Variants in NOTCH2NLB observed in about 807,000 individuals in gnomAD.
NOTCH2NLB encodes the protein notch homolog 2 N-terminal-like protein B.
NOTCH2NLB carries 1 observed loss-of-function variant against 14.8 expected under a neutral mutation model. The ratio of observed to expected loss-of-function variants is 0.07; its 90% confidence interval spans 0.02 to 0.32. NOTCH2NLB has a LOEUF of 0.32. Ranked by LOEUF, NOTCH2NLB falls within the 10% of genes least tolerant of loss-of-function variation. The pLI is 1.00. For missense variants in NOTCH2NLB, 11 were observed against 155.0 expected (o/e 0.07, Z 4.93); for synonymous variants, 6 against 57.5 (o/e 0.10, Z 4.05).
At chr1:148,686,776 C>T in the NOTCH2NLB span, among the ~76,000 whole-genome samples, 56 of 55,706 alleles carry the variant, frequency 1.0e-3, no homozygotes, top group African/African-American at 2.2e-3. Flanking sequence ...AAGCTAAGAA[C>T]AGATTCTCCC....
chr1:148,622,860 C>A lies in NOTCH2NLB; in HGVS notation c.78-6910G>T, dbSNP rs1440721441. Among the ~76,000 whole-genome samples, 2 of 83,930 alleles carry A rather than the reference C, an allele frequency of 2.4e-5. 1 individual carries two copies. The highest frequency in any genetic ancestry group is 4.0e-5 in the Non-Finnish European group (2 of 50,534). The allele number at this position is 83,930 out of a possible 152,430, so 55.1% of individuals were successfully genotyped here. ...GAACCCAATAATTGGAACTATCATT[C>A]ATTCCTTTTAAATCCATCATATTGA... is the stretch of plus-strand genomic sequence containing the variant. On this transcript the variant is annotated intron_variant, in intron 2 of 4. Coordinates refer to ENST00000593495, the Ensembl canonical transcript of NOTCH2NLB.
At chr1:148,609,203 G>A (rs1321168754) in intron 3 of NOTCH2NLB, among the ~76,000 whole-genome samples, 12 of 127,862 alleles carry the variant, frequency 9.4e-5, no homozygotes, top group African/African-American at 1.6e-4. Context: ...CCATTAACTC[G>A]TCATTTACAT....
At chr1:148,633,291 C>G (rs1237079786) in intron 2 of NOTCH2NLB, among the ~76,000 whole-genome samples, 1 of 122,654 alleles carries the variant, frequency 8.2e-6, no homozygotes, top group Non-Finnish European at 1.6e-5. Flanking sequence ...TGGTGGCTCA[C>G]GCCTGTAATC....
At chr1:148,661,474 G>A (rs1664682325) in intron 1 of NOTCH2NLB, among the ~76,000 whole-genome samples, 2 of 148,170 alleles carry the variant, frequency 1.3e-5, no homozygotes, top group African/African-American at 4.9e-5. Flanking sequence ...TGCAGTGAAT[G>A]TAAGAAATCT....
chr1:148,609,137 G>T (rs1663604668), intron 3 of NOTCH2NLB, among the ~76,000 whole-genome samples: 1 of 140,708 alleles, frequency 7.1e-6, no homozygotes, highest in South Asian at 2.3e-4. Context: ...GGGTACATGT[G>T]CACAACATGC....
At chr1:148,686,630 T>C in the NOTCH2NLB span, among the ~76,000 whole-genome samples, 1 of 94,698 alleles carries the variant, frequency 1.1e-5, no homozygotes, top group African/African-American at 3.4e-5. Context: ...GTTGGGGAAA[T>C]AGATATTTTA....
chr1:148,605,375 A>G (rs1203010437), downstream of NOTCH2NLB, among the ~76,000 whole-genome samples: 16 of 143,804 alleles, frequency 1.1e-4, 1 homozygote, highest in Non-Finnish European at 2.3e-4. Context: ...GTCACCAAAA[A>G]AATGTCAGTT....
In NOTCH2NLB at chr1:148,679,490, G is replaced by A; in HGVS notation, c.-26C>T. 14 of 1,117,838 alleles carry A rather than the reference G, an allele frequency of 1.3e-5. 4 individuals carry two copies. The South Asian group carries it at 2.3e-4, about 18-fold the overall frequency. 69.2% of individuals were successfully genotyped at this position (1,117,838 alleles called of 1,614,324 possible). ...GCGCGGGGGTCGCGCAGCACAGCCAGAGCGCCAGCAGCGCCCACAGCAGAG... is the reference window on the plus strand; with the variant it reads ...GCGCGGGGGTCGCGCAGCACAGCCAAAGCGCCAGCAGCGCCCACAGCAGAG... On this transcript the variant is annotated 5_prime_UTR_variant, in exon 1 of 5. Transcript: ENST00000593495.
intron 1 of NOTCH2NLB, among the ~76,000 whole-genome samples, chr1:148,674,834 G>C (rs1373377224): frequency 6.8e-6 from 1 of 147,872 alleles, no homozygotes; most frequent in Non-Finnish European, 1.5e-5. Flanking sequence ...TTTGTCAGTA[G>C]GGTGTTCAGG....
At chr1:148,600,433 A>AT in the NOTCH2NLB span, among the ~76,000 whole-genome samples, 3 of 144,712 alleles carry the variant, frequency 2.1e-5, no homozygotes, top group East Asian at 4.0e-4. Context: ...TTTAGGATAT[A>AT]TTTTTTAAAA....
In NOTCH2NLB at chr1:148,607,515, G is replaced by A; in HGVS notation, c.568C>T (p.Gln190Ter). 2.0e-6 allele frequency: 3 copies of A among 1,477,268 alleles called. 1 individual carries two copies. The highest frequency in any genetic ancestry group is 4.6e-5 in the East Asian group (2 of 43,944). 91.5% of individuals were successfully genotyped at this position (1,477,268 alleles called of 1,614,324 possible). Reference sequence around the variant, plus strand: ...GGCACATACAGGCTGTCACAGTACTGGCCTGTGAAGCCCTGAAGGCACTGG... The same window carrying A: ...GGCACATACAGGCTGTCACAGTACTAGCCTGTGAAGCCCTGAAGGCACTGG... The change falls in exon 4 of 5, where the codon CAG becomes TAG. Residue 190 changes from glutamine (Q) to a stop codon, truncating the protein, a stop_gained. Coordinates refer to ENST00000593495, the Ensembl canonical transcript of NOTCH2NLB. LOFTEE classifies it high-confidence loss of function.
chr1:148,608,894 A>C lies in NOTCH2NLB; in HGVS notation c.338-1149T>G, dbSNP rs1388778262. ...CTTTCTCAAGTAGGAAAGTACCAGCACTAGCAGGAAGACTCTGACGGGTTG... is the reference window on the plus strand; with the variant it reads ...CTTTCTCAAGTAGGAAAGTACCAGCCCTAGCAGGAAGACTCTGACGGGTTG... On this transcript the variant is annotated intron_variant, in intron 3 of 4. Transcript: ENST00000593495. 1.4e-5 allele frequency among the ~76,000 whole-genome samples: 2 copies of C among 140,738 alleles called. 1 individual carries two copies. The highest frequency in any genetic ancestry group is 3.1e-5 in the Non-Finnish European group (2 of 64,924). The allele number at this position is 140,738 out of a possible 152,430, so 92.3% of individuals were successfully genotyped here.
chr1:148,610,819 G>A (rs1213563877), intron 3 of NOTCH2NLB, among the ~76,000 whole-genome samples: 1 of 20,830 alleles, frequency 4.8e-5, no homozygotes, highest in East Asian at 1.0e-3. Context: ...GCGTGAACCC[G>A]GGAGGTGGAG....
intron 1 of NOTCH2NLB, among the ~76,000 whole-genome samples, chr1:148,660,539 C>T (rs1326258493): frequency 1.2e-4 from 17 of 146,322 alleles, no homozygotes; most frequent in African/African-American, 4.0e-4. Context: ...CTCATGGGGT[C>T]TCTGTCTCAG....
intron 1 of NOTCH2NLB, among the ~76,000 whole-genome samples, chr1:148,673,691 G>C (rs2149633898): frequency 6.6e-6 from 1 of 151,394 alleles, no homozygotes; most frequent in South Asian, 2.1e-4. Flanking sequence ...TACCATAGCA[G>C]CTTTCTTCTC....
In NOTCH2NLB at chr1:148,670,529, T is replaced by TA. The variant is rs1222724470; in HGVS notation, c.3+8932dup. Among the ~76,000 whole-genome samples the TA allele has an allele frequency of 2.7e-4, 26 of 96,098 alleles. 1 individual carries two copies. Among genetic ancestry groups the TA allele is most frequent in the Non-Finnish European group, 3.6e-4 (16 of 44,264 alleles). 63.0% of individuals were successfully genotyped at this position (96,098 alleles called of 152,430 possible). A position where few individuals can be genotyped will look rare whatever the true frequency, so the allele number is the denominator to read the frequency against. On this transcript the variant is annotated intron_variant, in intron 1 of 4. Transcript: ENST00000593495. ...TATATATGTAGATCTGTTCATAAAC[T>TA]AAAAAAAAAAATATATATATATACA...
chr1:148,649,649 T>C (rs1423710090), intron 1 of NOTCH2NLB, among the ~76,000 whole-genome samples: 8 of 151,746 alleles, frequency 5.3e-5, no homozygotes, highest in East Asian at 1.9e-4. Context: ...TAGCTGGGAC[T>C]ATAGGTGCCC....
At chr1:148,679,393 G>C (rs1195212752) in intron 1 of NOTCH2NLB, 69 bp downstream of exon 1, 1 of 711,920 alleles carries the variant, frequency 1.4e-6, no homozygotes, top group East Asian at 7.7e-5. Context: ...GAAGGACCGA[G>C]GGGGAGAAGG....
downstream of NOTCH2NLB, among the ~76,000 whole-genome samples, chr1:148,605,058 ATATTT>A (rs1663469710): frequency 7.1e-6 from 1 of 140,632 alleles, no homozygotes; most frequent in South Asian, 2.3e-4. Context: ...ACATGAACAT[ATATTT>A]TTAACCCAAA....
Sources: allele counts gnomAD v4.1 joint callset (sites outside exome capture counted in the v4.1 genomes callset), GRCh38; gene constraint gnomAD v4.1.1; transcripts MANE v1.5; gene names NCBI Gene and HGNC (gene_info 2026-07-23, HGNC 2026-07-21).